PCCB: variants seen among roughly 807,000 people sequenced by gnomAD.
The protein encoded by PCCB is propionyl-CoA carboxylase beta chain, mitochondrial.
PCCB carries 43 observed loss-of-function variants against 60.7 expected under a neutral mutation model. The observed-to-expected ratio is 0.71, with a 90% CI of 0.55 to 0.91. The LOEUF (loss-of-function observed/expected upper bound fraction) is 0.91. Ranked by LOEUF, PCCB falls within the 40% of genes least tolerant of loss-of-function variation. The pLI, the probability that PCCB is intolerant of heterozygous loss-of-function variation, is 0.00. For missense variants in PCCB, 766 were observed against 702.8 expected (o/e 1.09, Z -1.02); for synonymous variants, 276 against 255.9 (o/e 1.08, Z -0.75).
chr3:136,301,454 T>G (rs1006246884), intron 9 of PCCB, among the ~76,000 whole-genome samples: 2 of 151,992 alleles, frequency 1.3e-5, no homozygotes, highest in African/African-American at 2.4e-5. Flanking sequence ...TAAGTATCAT[T>G]GGGGCCCTCT....
intron 14 of PCCB, 151 bp from the exon 15 acceptor site, chr3:136,329,754 G>A (rs1207786278): frequency 1.2e-6 from 1 of 806,876 alleles, no homozygotes; most frequent in African/African-American, 1.7e-5. Flanking sequence ...TGGGATACAA[G>A]GGGGAATTCA....
In PCCB at chr3:136,326,970, T is replaced by C. The variant is rs747938848; in HGVS notation, c.1198+60T>C. On this transcript the variant is annotated intron_variant, in intron 11 of 14. Coordinates refer to ENST00000251654, the MANE Select transcript of PCCB (RefSeq NM_000532.5). Reference sequence around the variant, plus strand: ...GCCTTTCCCAGTAAGGTGCCCACTTTATTTGGAGATCTTCTTGCAGAACTC... The same window carrying C: ...GCCTTTCCCAGTAAGGTGCCCACTTCATTTGGAGATCTTCTTGCAGAACTC... The C allele has an allele frequency of 3.3e-5, 40 of 1,217,330 alleles. No homozygotes were observed. The Admixed American group carries it at 6.7e-4, about 20-fold the overall frequency. 75.4% of individuals were successfully genotyped at this position (1,217,330 alleles called of 1,614,324 possible). A position where few individuals can be genotyped will look rare whatever the true frequency, so the allele number is the denominator to read the frequency against.
Position 136,308,697 on chromosome 3 carries a change from A to G in PCCB, c.966+7586A>G, listed in dbSNP as rs1454899848. ...GTTGATCATATGTATTAGATCAGAA[A>G]GAAAACATCATTAAATCCCATAGAG... On this transcript the variant is annotated intron_variant, in intron 9 of 14. Coordinates refer to ENST00000251654, the MANE Select transcript of PCCB (RefSeq NM_000532.5). Among the ~76,000 whole-genome samples, 7 of 152,242 alleles carry G rather than the reference A, an allele frequency of 4.6e-5. No homozygotes were observed. In the South Asian group the frequency reaches 1.4e-3, roughly 31 times the overall value.
intron 5 of PCCB, among the ~76,000 whole-genome samples, chr3:136,270,631 G>A (rs912820191): frequency 2.0e-5 from 3 of 151,954 alleles, no homozygotes; most frequent in Admixed American, 1.3e-4. Flanking sequence ...TCAGCCTCCC[G>A]AGTAGCTGGG....
At chr3:136,326,475 G>A (rs1428329326) in intron 10 of PCCB, 3 of 685,772 alleles carry the variant, frequency 4.4e-6, no homozygotes, top group Non-Finnish European at 7.9e-6. Flanking sequence ...AAGCTCTGAG[G>A]ACTCTCTAAG....
At chr3:136,259,123 A>G in intron 3 of PCCB, 1 of 1,436,720 alleles carries the variant, frequency 7.0e-7, no homozygotes, top group African/African-American at 1.4e-5. Context: ...CCATAAGCAG[A>G]AGAAGCAGTG....
chr3:136,287,878 T>C (rs1702945128), intron 6 of PCCB, among the ~76,000 whole-genome samples: 1 of 152,260 alleles, frequency 6.6e-6, no homozygotes, highest in South Asian at 2.1e-4. Context: ...TTTCTGGTGC[T>C]GATGTAAACA....
intron 5 of PCCB, among the ~76,000 whole-genome samples, chr3:136,264,442 A>G (rs9289506): frequency 0.13 from 12,644 of 97,500 alleles, 1,790 homozygotes; most frequent in African/African-American, 0.16. Flanking sequence ...GTGTGTGTGT[A>G]TATATGTATA....
intron 7 of PCCB, among the ~76,000 whole-genome samples, chr3:136,295,969 G>A (rs1933915513): frequency 6.6e-6 from 1 of 151,904 alleles, no homozygotes; most frequent in African/African-American, 2.4e-5. Flanking sequence ...TTTCTTTCTG[G>A]GCCTGAGGCT....
intron 6 of PCCB, among the ~76,000 whole-genome samples, chr3:136,289,036 T>G (rs552495922): frequency 6.6e-6 from 1 of 152,210 alleles, no homozygotes; most frequent in Non-Finnish European, 1.5e-5. Flanking sequence ...TATTTTAATT[T>G]TTGTAGAGAT....
chr3:136,313,121 C>T (rs901485420), intron 9 of PCCB, among the ~76,000 whole-genome samples: 2 of 152,152 alleles, frequency 1.3e-5, no homozygotes, highest in African/African-American at 4.8e-5. Flanking sequence ...GAGAAGCAGG[C>T]ACTCCTGTGC....
At chr3:136,314,851 A>C (rs1181216764) in intron 9 of PCCB, among the ~76,000 whole-genome samples, 1 of 152,206 alleles carries the variant, frequency 6.6e-6, no homozygotes, top group East Asian at 1.9e-4. Context: ...ATTTCCTCAC[A>C]AAATTCTTAT....
intron 6 of PCCB, among the ~76,000 whole-genome samples, chr3:136,286,411 A>G (rs1272143485): frequency 6.6e-6 from 1 of 152,168 alleles, no homozygotes; most frequent in African/African-American, 2.4e-5. Context: ...CAGAATTTCC[A>G]TTTGGACTTT....
rs1576360099 is a variant in PCCB, at chr3:136,326,836, C to T, written c.1124C>T (p.Ala375Val). The change falls in exon 11 of 15, where the codon GCT becomes GTT. Residue 375 changes from alanine (A) to valine (V), a missense_variant. Transcript: ENST00000251654. ...GATATTAATTCATCTGTGAAAGGGG[C>T]TCGTTTTGTCAGATTCTGTGATGCA... is the stretch of plus-strand genomic sequence containing the variant. ...CLDINSSVKG[A>V]RFVRFCDAFN... is the part of the protein sequence containing the mutation. The T allele has an allele frequency of 6.2e-7, 1 of 1,612,082 alleles. No homozygotes were observed.
intron 10 of PCCB, among the ~76,000 whole-genome samples, chr3:136,323,992 GTT>G (rs774958157): frequency 1.6e-5 from 2 of 128,718 alleles, no homozygotes; most frequent in Non-Finnish European, 3.4e-5. Context: ...CCCAAGCTTT[GTT>G]TTTTTTTTTT....
At chr3:136,312,656 AAAAG>A (rs1560026066) in intron 9 of PCCB, among the ~76,000 whole-genome samples, 1 of 152,242 alleles carries the variant, frequency 6.6e-6, no homozygotes, top group Non-Finnish European at 1.5e-5. Flanking sequence ...TACAAGCACT[AAAAG>A]AAAACACAGA....
chr3:136,315,590 G>T (rs1167927176), intron 9 of PCCB, among the ~76,000 whole-genome samples: 2 of 152,058 alleles, frequency 1.3e-5, no homozygotes, highest in Non-Finnish European at 1.5e-5. Context: ...CAGCACTTTG[G>T]GAGGCTGAGG....
At chr3:136,315,519 T>G (rs189126174) in intron 9 of PCCB, among the ~76,000 whole-genome samples, 1 of 151,702 alleles carries the variant, frequency 6.6e-6, no homozygotes, top group Non-Finnish European at 1.5e-5. Flanking sequence ...TAAGCGAGAC[T>G]CCGTCTCAAA....
At chr3:136,317,210 T>C (rs1354525935) in intron 10 of PCCB, 146 bp downstream of exon 10, 3 of 483,930 alleles carry the variant, frequency 6.2e-6, no homozygotes, top group Middle Eastern at 5.6e-4. Context: ...TTATAAAAGC[T>C]AATTTTTTTT....
Sources: gnomAD v4.1 joint callset for allele counts (sites outside exome capture counted in the v4.1 genomes callset) on GRCh38, gnomAD v4.1.1 for gene constraint, MANE v1.5 for transcripts, NCBI Gene and HGNC (gene_info 2026-07-23, HGNC 2026-07-21) for gene names.